Variants in UBXN7 observed in about 807,000 individuals in gnomAD.
The protein encoded by UBXN7 is UBX domain protein 7.
Under a neutral mutation model 58.0 loss-of-function variants are expected in UBXN7, and 9 were observed. That is an observed-to-expected ratio of 0.16 (90% CI 0.09 to 0.27). The LOEUF is 0.27. UBXN7 is among the 10% of genes least tolerant of loss of function. The probability of loss-of-function intolerance (pLI) is 1.00; values close to 1 mark genes in which losing one functional copy is unlikely to be tolerated. For synonymous variants in UBXN7, 208 were observed against 205.0 expected, an observed-to-expected ratio of 1.01 and a Z score of -0.12; for missense variants, 328 against 599.6, an observed-to-expected ratio of 0.55 and a Z score of 4.73.
In UBXN7 at chr3:196,378,403, C is replaced by T. The variant is rs530772814; in HGVS notation, c.469-6361G>A. On this transcript the variant is annotated intron_variant, in intron 5 of 10. Coordinates refer to ENST00000296328, the MANE Select transcript of UBXN7 (RefSeq NM_015562.2). ...CTTCAAGGGAAATTTGTACCCTTATCAGCTCCTCCCTCTTCCATGCTGTTT... is the reference window on the plus strand; with the variant it reads ...CTTCAAGGGAAATTTGTACCCTTATTAGCTCCTCCCTCTTCCATGCTGTTT... Among the ~76,000 whole-genome samples the T allele has an allele frequency of 2.0e-5, 3 of 152,316 alleles. No homozygotes were observed. In the East Asian group the frequency reaches 5.8e-4, roughly 29 times the overall value.
intron 5 of UBXN7, among the ~76,000 whole-genome samples, chr3:196,377,633 G>GC (rs975179379): frequency 2.6e-5 from 4 of 151,902 alleles, no homozygotes; most frequent in East Asian, 1.9e-4. Flanking sequence ...ACAAAATACA[G>GC]CCCCCCTCTC....
chr3:196,416,419 A>C (rs1730489653), intron 1 of UBXN7, among the ~76,000 whole-genome samples: 1 of 152,182 alleles, frequency 6.6e-6, no homozygotes, highest in Non-Finnish European at 1.5e-5. Flanking sequence ...CGATTGAGCA[A>C]GACTCTGTCT....
intron 1 of UBXN7, chr3:196,414,548 T>C (rs527299897): frequency 6.6e-6 from 1 of 152,394 alleles, no homozygotes; most frequent in South Asian, 2.1e-4. Flanking sequence ...CACATGGACC[T>C]ACCGGCATCA....
chr3:196,402,371 T>C (rs887981234), intron 3 of UBXN7, among the ~76,000 whole-genome samples: 11 of 152,258 alleles, frequency 7.2e-5, no homozygotes, highest in Admixed American at 5.9e-4. Context: ...CAGTTTTCTG[T>C]CTTGGTCTGC....
At chr3:196,418,771 T>G (rs1272062272) in intron 1 of UBXN7, among the ~76,000 whole-genome samples, 1 of 152,190 alleles carries the variant, frequency 6.6e-6, no homozygotes, top group African/African-American at 2.4e-5. Context: ...AGAATGACAT[T>G]ACGACACAAC....
Position 196,362,387 on chromosome 3 carries a change from T to C in UBXN7, c.1135A>G (p.Thr379Ala), listed in dbSNP as rs1429891559. ...PPVRTDPGTA[T>A]NHQGLPAVDS... ...ACAGCTGGCAATCCTTGGTGGTTTG[T>C]GGCTGTTCCAGGATCAGTTCTGACT... The change falls in exon 9 of 11, where the codon ACA becomes GCA. Residue 379 changes from threonine to alanine, a missense_variant. Coordinates refer to ENST00000296328, the MANE Select transcript of UBXN7 (RefSeq NM_015562.2). 2 of 1,614,246 alleles carry C rather than the reference T, an allele frequency of 1.2e-6. No individual in the cohort carries two copies. Among genetic ancestry groups the C allele is most frequent in the South Asian group, 1.1e-5 (1 of 91,088 alleles).
chr3:196,389,103 C>A (rs1729498996), intron 5 of UBXN7, among the ~76,000 whole-genome samples: 1 of 152,190 alleles, frequency 6.6e-6, no homozygotes. Context: ...TTAGTTACTG[C>A]ATTACGTCCT....
chr3:196,359,058 T>A (rs1239566899), intron 10 of UBXN7, among the ~76,000 whole-genome samples: 1 of 152,146 alleles, frequency 6.6e-6, no homozygotes, highest in Non-Finnish European at 1.5e-5. Context: ...AACGCCCTGT[T>A]TCATTGTGCT....
At chr3:196,418,893 A>G (rs1730588249) in intron 1 of UBXN7, among the ~76,000 whole-genome samples, 4 of 152,170 alleles carry the variant, frequency 2.6e-5, no homozygotes, top group Admixed American at 2.6e-4. Flanking sequence ...CATCCTATCT[A>G]CAATCTTCAC....
intron 5 of UBXN7, among the ~76,000 whole-genome samples, chr3:196,378,311 C>T (rs1729094644): frequency 6.6e-6 from 1 of 152,134 alleles, no homozygotes. Context: ...ATGGGTGTAG[C>T]CATGCTGCCA....
At chr3:196,356,936 T>G in intron 10 of UBXN7, 90 bp from the exon 11 acceptor site, 1 of 1,429,812 alleles carries the variant, frequency 7.0e-7, no homozygotes, top group South Asian at 1.3e-5. Context: ...CTCTTTTTAA[T>G]CATATTAGAT....
chr3:196,375,173 G>A (rs1728976150), intron 5 of UBXN7, among the ~76,000 whole-genome samples: 1 of 140,492 alleles, frequency 7.1e-6, no homozygotes, highest in South Asian at 2.4e-4. Flanking sequence ...CAGATTATTA[G>A]GTGCTCTTAC....
At chr3:196,431,757 G>T in intron 1 of UBXN7, 1 of 449,804 alleles carries the variant, frequency 2.2e-6, no homozygotes, top group South Asian at 1.6e-5. Flanking sequence ...TGTCCCCCGT[G>T]AAGTGTAAAG....
intron 5 of UBXN7, among the ~76,000 whole-genome samples, chr3:196,390,944 AAAG>A (rs1312585285): frequency 6.6e-6 from 1 of 152,164 alleles, no homozygotes; most frequent in Non-Finnish European, 1.5e-5. Flanking sequence ...GGATTATTAA[AAAG>A]AATGATCTTT....
chr3:196,383,395 A>G (rs183335376), intron 5 of UBXN7, among the ~76,000 whole-genome samples: 54 of 152,362 alleles, frequency 3.5e-4, no homozygotes, highest in African/African-American at 1.3e-3. Flanking sequence ...TCAATGAGAC[A>G]GAAAGTTAAC....
In UBXN7 at chr3:196,403,034, T is replaced by G; in HGVS notation, c.222-15A>C. On this transcript the variant is annotated splice_polypyrimidine_tract_variant and intron_variant, in intron 2 of 10. Coordinates refer to ENST00000296328, the MANE Select transcript of UBXN7 (RefSeq NM_015562.2). Reference sequence around the variant, plus strand: ...GAACTTCTTCTCTATTAAAAAAAAATGGGAAAATAAAAAATGAAAACTGTT... The same window carrying G: ...GAACTTCTTCTCTATTAAAAAAAAAGGGGAAAATAAAAAATGAAAACTGTT... 1.3e-6 allele frequency: 2 copies of G among 1,579,604 alleles called. No individual in the cohort carries two copies. Among genetic ancestry groups the G allele is most frequent in the Non-Finnish European group, 1.7e-6 (2 of 1,170,928 alleles).
intron 5 of UBXN7, among the ~76,000 whole-genome samples, chr3:196,379,590 T>C (rs1419006847): frequency 6.6e-6 from 1 of 152,172 alleles, no homozygotes; most frequent in Non-Finnish European, 1.5e-5. Flanking sequence ...GGTATTCCTG[T>C]CTATTAGATC....
At chr3:196,427,369 G>A (rs1159689609) in intron 1 of UBXN7, among the ~76,000 whole-genome samples, 1 of 152,206 alleles carries the variant, frequency 6.6e-6, no homozygotes, top group Admixed American at 6.5e-5. Flanking sequence ...CCAGGCTGGA[G>A]TGCAGTGGCT....
intron 5 of UBXN7, among the ~76,000 whole-genome samples, chr3:196,387,049 T>C (rs193232373): frequency 1.3e-5 from 2 of 152,096 alleles, no homozygotes; most frequent in East Asian, 1.9e-4. Flanking sequence ...ACTACAAGGC[T>C]ACAGTAACCA....
Sources: allele counts gnomAD v4.1 joint callset (sites outside exome capture counted in the v4.1 genomes callset), GRCh38; gene constraint gnomAD v4.1.1; transcripts MANE v1.5; gene names NCBI Gene and HGNC (gene_info 2026-07-23, HGNC 2026-07-21).